Variants in MTF2 observed in about 807,000 individuals in gnomAD.
The protein encoded by MTF2 is metal-response element-binding transcription factor 2.
Under a neutral mutation model 79.5 loss-of-function variants are expected in MTF2, and 11 were observed. That is an observed-to-expected ratio of 0.14 (90% confidence interval 0.09 to 0.23). MTF2 has a LOEUF of 0.23. MTF2 is among the 10% of genes least tolerant of loss of function. The pLI, the probability that MTF2 is intolerant of heterozygous loss-of-function variation, is 1.00. For synonymous variants in MTF2, 208 were observed against 232.8 expected, an observed-to-expected ratio of 0.89 and a Z score of 0.97; for missense variants, 486 against 711.2, an observed-to-expected ratio of 0.68 and a Z score of 3.60.
chr1:93,137,438 GA>G lies in MTF2; in HGVS notation c.*416del, dbSNP rs1279113008. The stretch of plus-strand genomic sequence containing the variant: ...TGTTTGTTTTGTTACCAAAATGTTG[GA>G]AAAATTTATTTCAATACCTTTTAGA... On this transcript the variant is annotated 3_prime_UTR_variant, in exon 15 of 15. Coordinates refer to ENST00000370298, the MANE Select transcript of MTF2 (RefSeq NM_007358.4). 6.3e-6 allele frequency: 1 copy of G among 157,908 alleles called. No individual in the cohort carries two copies. Among genetic ancestry groups the G allele is most frequent in the African/African-American group, 2.4e-5 (1 of 41,450 alleles). The allele number at this position is 157,908 out of a possible 1,614,324, so 9.8% of individuals were successfully genotyped here. A position where few individuals can be genotyped will look rare whatever the true frequency, so the allele number is the denominator to read the frequency against.
chr1:93,127,422 T>A, intron 10 of MTF2, 123 bp downstream of exon 10: 1 of 618,130 alleles, frequency 1.6e-6, no homozygotes, highest in East Asian at 2.8e-5. Flanking sequence ...TTAAACTTTA[T>A]AATGTCCTAT....
rs1384714519 is a variant in MTF2, at chr1:93,137,914, A to G, written c.*887A>G. On this transcript the variant is annotated 3_prime_UTR_variant, in exon 15 of 15. Coordinates refer to ENST00000370298, the MANE Select transcript of MTF2 (RefSeq NM_007358.4). ...AACTCAGCTGTTCAGTACCTAAAAC[A>G]AATTCAAATAATATGAACATTATCT... is the stretch of plus-strand genomic sequence containing the variant. The G allele has an allele frequency of 6.6e-6, 1 of 152,208 alleles. No individual in the cohort carries two copies. The highest frequency in any genetic ancestry group is 6.5e-5 in the Admixed American group (1 of 15,280). The allele number at this position is 152,208 out of a possible 1,614,324, so 9.4% of individuals were successfully genotyped here.
intron 3 of MTF2, 49 bp from the exon 4 acceptor site, chr1:93,114,639 T>C (rs1465486120): frequency 1.4e-6 from 2 of 1,465,180 alleles, no homozygotes; most frequent in Non-Finnish European, 9.4e-7. Flanking sequence ...GGTTTTGTTT[T>C]ATGGAATTTT....
At position 93,110,437 on chromosome 1, in the gene MTF2, C is replaced by T. The variant is rs746882260; in HGVS notation, c.204+9C>T. ...TTGGCACTATCAAAAAGGCAAGTTA[C>T]TTTAATGTATCTTTTGCTGTTTTTG... On this transcript the variant is annotated intron_variant, in intron 2 of 14. Coordinates refer to ENST00000370298, the MANE Select transcript of MTF2 (RefSeq NM_007358.4). 7 of 1,613,710 alleles carry T rather than the reference C, an allele frequency of 4.3e-6. No homozygotes were observed. The South Asian group carries it at 7.7e-5, about 18-fold the overall frequency.
At position 93,136,898 on chromosome 1, in the gene MTF2, C is replaced by T. The variant is rs760260033; in HGVS notation, c.1653C>T (p.Ser551=). Residue 551 remains serine (S), a synonymous_variant, in exon 15 of 15, where the codon TCC becomes TCT. Transcript: ENST00000370298. Reference sequence around the variant, plus strand: ...TACAACTCAATCATCTAAAGAACTCCATTACCAGTTATTTTGGTGCTGCAG... The same window carrying T: ...TACAACTCAATCATCTAAAGAACTCTATTACCAGTTATTTTGGTGCTGCAG... ...QELQLNHLKN[S]ITSYFGAAGR... is the part of the protein sequence containing the mutation. 3.7e-6 allele frequency: 6 copies of T among 1,614,120 alleles called. No individual in the cohort carries two copies. In the South Asian group the frequency reaches 6.6e-5, roughly 18 times the overall value.
intron 1 of MTF2, among the ~76,000 whole-genome samples, chr1:93,098,279 G>A (rs565608784): frequency 2.6e-4 from 40 of 152,290 alleles, no homozygotes; most frequent in Admixed American, 7.8e-4. Context: ...TCTTGATGAA[G>A]TTTTGTCTGT....
At chr1:93,120,446 A>C in intron 8 of MTF2, 103 bp from the exon 9 acceptor site, 1 of 1,104,634 alleles carries the variant, frequency 9.1e-7, no homozygotes, top group South Asian at 1.8e-5. Context: ...ATCCACCTAA[A>C]TATTTCTCTT....
intron 11 of MTF2, among the ~76,000 whole-genome samples, chr1:93,131,204 A>G (rs971236890): frequency 2.4e-4 from 37 of 152,208 alleles, no homozygotes; most frequent in African/African-American, 8.9e-4. Context: ...CTAAAAAAGA[A>G]TGATCAGTGA....
In MTF2 at chr1:93,111,536, TAAAA is replaced by T. The variant is rs201324036; in HGVS notation, c.286+914_286+917del. Among the ~76,000 whole-genome samples the T allele has an allele frequency of 5.3e-5, 8 of 152,244 alleles. No individual in the cohort carries two copies. The East Asian group carries it at 1.5e-3, about 29-fold the overall frequency. On this transcript the variant is annotated intron_variant, in intron 3 of 14. Transcript: ENST00000370298. Reference sequence around the variant, plus strand: ...TTTACTCTTAATGTTTCTTAAAGAATAAAAAAAGTTTTGGTAAAGGAATTGGAAT... The same window carrying T: ...TTTACTCTTAATGTTTCTTAAAGAATAAAGTTTTGGTAAAGGAATTGGAAT...
chr1:93,129,578 T>G (rs1349155769), intron 11 of MTF2, 130 bp downstream of exon 11: 5 of 630,988 alleles, frequency 7.9e-6, no homozygotes, highest in Non-Finnish European at 9.7e-6. Flanking sequence ...TTTTTTTTTT[T>G]GGTCTATCAT....
intron 1 of MTF2, among the ~76,000 whole-genome samples, chr1:93,101,024 A>G (rs1288284694): frequency 2.0e-5 from 3 of 152,234 alleles, no homozygotes; most frequent in African/African-American, 4.8e-5. Context: ...CATGGGAAAG[A>G]TGGCAACTAA....
intron 14 of MTF2, 88 bp downstream of exon 14, chr1:93,134,283 A>G (rs1647282662): frequency 1.1e-6 from 1 of 950,938 alleles, no homozygotes. Context: ...TTTTTTAGCA[A>G]TTGAAAGTGA....
intron 1 of MTF2, among the ~76,000 whole-genome samples, chr1:93,099,287 G>C (rs1403776005): frequency 6.6e-6 from 1 of 152,166 alleles, no homozygotes; most frequent in Non-Finnish European, 1.5e-5. Flanking sequence ...AAAGCCTGCT[G>C]CATCAAAGGA....
intron 1 of MTF2, among the ~76,000 whole-genome samples, chr1:93,090,633 A>G (rs966399514): frequency 2.0e-5 from 3 of 151,512 alleles, no homozygotes; most frequent in African/African-American, 7.3e-5. Context: ...TTGTTGGAAT[A>G]TGAATATTCT....
At chr1:93,095,426 C>T (rs903908838) in intron 1 of MTF2, among the ~76,000 whole-genome samples, 3 of 152,076 alleles carry the variant, frequency 2.0e-5, no homozygotes, top group African/African-American at 2.4e-5. Flanking sequence ...CTGCAACCTC[C>T]GCCTCCTGGG....
chr1:93,114,780 C>A lies in MTF2; in HGVS notation c.379C>A (p.Gln127Lys). ...NEMVICDKCG[Q>K]GYHQLCHTPH... is the part of the protein sequence containing the mutation. ...AATGGTTATATGTGACAAGTGTGGC[C>A]AAGGTAACCATTGATTTCTTTTAAT... Residue 127 changes from glutamine to lysine, a missense_variant, in exon 4 of 15, where the codon CAA (glutamine) becomes AAA (lysine). Physicochemically the swap from Gln to Lys is moderately conservative, Grantham distance 53. This residue lies in a region of MTF2 where 177 missense variants were observed against 364.0 expected (regional missense o/e 0.49). Coordinates refer to ENST00000370298, the MANE Select transcript of MTF2 (RefSeq NM_007358.4). The A allele has an allele frequency of 6.3e-7, 1 of 1,598,944 alleles. No homozygotes were observed.
intron 11 of MTF2, among the ~76,000 whole-genome samples, chr1:93,132,933 T>C (rs1355400341): frequency 1.3e-5 from 2 of 152,150 alleles, no homozygotes; most frequent in Non-Finnish European, 2.9e-5. Flanking sequence ...ATATCATCTT[T>C]ATATGGTAGC....
At chr1:93,133,585 T>C (rs1206396007) in intron 11 of MTF2, 118 bp from the exon 12 acceptor site, 7 of 415,270 alleles carry the variant, frequency 1.7e-5, no homozygotes, top group Admixed American at 4.4e-5. Context: ...TATTTACTTT[T>C]TATTACCATT....
At position 93,133,829 on chromosome 1, in the gene MTF2, A is replaced by G. The variant is rs1647250509; in HGVS notation, c.1266+21A>G. On this transcript the variant is annotated intron_variant, in intron 12 of 14. Coordinates refer to ENST00000370298, the MANE Select transcript of MTF2 (RefSeq NM_007358.4). ...TTTTGGTAAGAGGATATGTTGGTAT[A>G]TGTTCTCAAGAAGAAGGATGCATGA... 10 of 1,572,492 alleles carry G rather than the reference A, an allele frequency of 6.4e-6. No individual in the cohort carries two copies. The East Asian group carries it at 2.2e-4, about 35-fold the overall frequency.
Sources: allele counts gnomAD v4.1 joint callset (sites outside exome capture counted in the v4.1 genomes callset), GRCh38; gene constraint gnomAD v4.1.1; regional missense constraint gnomAD v4.1.1; transcripts MANE v1.5; gene names NCBI Gene and HGNC (gene_info 2026-07-23, HGNC 2026-07-21).